DMD: variants seen among roughly 807,000 people sequenced by gnomAD.
DMD encodes the protein dystrophin.
Under a neutral mutation model 330.1 loss-of-function variants are expected in DMD, and 63 were observed. The observed-to-expected ratio is 0.19, with a 90% CI of 0.16 to 0.24. DMD has a LOEUF of 0.24. Among genes scored for constraint, DMD ranks in the 10% least tolerant of loss-of-function variants. The pLI is 1.00. For missense variants in DMD, 3,344 were observed against 2,684.1 expected (o/e 1.25, Z -5.43); for synonymous variants, 1,223 against 959.8 (o/e 1.27, Z -5.07).
intron 76 of DMD, among the ~76,000 whole-genome samples, chrX:31,142,932 ACCTAATATGACTTGTCTCATG>A (rs750526668): frequency 1.8e-5 from 2 of 111,933 alleles, no homozygotes; most frequent in South Asian, 7.5e-4. Context: ...TAGACACATC[ACCTAATATGACTTGTCTCATG>A]TTTCACTTAA....
chrX:31,178,884 A>G, intron 69 of DMD, 79 bp from the exon 70 acceptor site: 1 of 1,097,135 alleles, frequency 9.1e-7, no homozygotes, highest in Non-Finnish European at 1.2e-6. Flanking sequence ...CTTCTGCCCC[A>G]TGACACTTGT....
intron 25 of DMD, among the ~76,000 whole-genome samples, chrX:32,457,640 C>CAG (rs1387519362): frequency 9.1e-6 from 1 of 109,501 alleles, no homozygotes; most frequent in African/African-American, 3.3e-5. Context: ...AGCTTATATG[C>CAG]AGGTCAGTGG....
rs2049320152 is a variant in DMD at position 31,120,026 on chromosome X, T to TA, written c.*1892dup. 9.1e-6 allele frequency: 1 copy of TA among 110,485 alleles called. No individual in the cohort carries two copies. Among genetic ancestry groups the TA allele is most frequent in the African/African-American group, 3.3e-5 (1 of 30,521 alleles). The allele number at this position is 110,485 out of a possible 1,213,427, so 9.1% of individuals were successfully genotyped here. ...CCGTGTTTGATGTTAATTAATTAAT[T>TA]ATTAATAATGGACAAAACCCACTCT... On this transcript the variant is annotated 3_prime_UTR_variant, in exon 79 of 79. Coordinates refer to ENST00000357033, the MANE Select transcript of DMD (RefSeq NM_004006.3).
chrX:31,920,535 A>G (rs2094676256), intron 47 of DMD, among the ~76,000 whole-genome samples: 1 of 112,445 alleles, frequency 8.9e-6, no homozygotes, highest in Non-Finnish European at 1.9e-5. Context: ...AAAGGAAAGA[A>G]AAAACATTTT....
chrX:32,755,353 TAAAG>T (rs2071372017), intron 7 of DMD, among the ~76,000 whole-genome samples: 1 of 111,226 alleles, frequency 9.0e-6, no homozygotes, highest in Admixed American at 9.6e-5. Flanking sequence ...ACTAAAATCT[TAAAG>T]GAAGATACGG....
intron 37 of DMD, among the ~76,000 whole-genome samples, chrX:32,356,379 T>TTA (rs1491329591): frequency 1.9e-5 from 1 of 52,740 alleles, no homozygotes; most frequent in African/African-American, 6.5e-5. Flanking sequence ...TGAATGGAAG[T>TTA]AAAAAAAAAA....
chrX:32,339,973 T>G (rs1415864438), intron 41 of DMD, among the ~76,000 whole-genome samples: 1 of 112,240 alleles, frequency 8.9e-6, no homozygotes, highest in Non-Finnish European at 1.9e-5. Flanking sequence ...TTCATTAAGC[T>G]GTTACTGTGA....
chrX:31,801,965 A>G (rs1296506373), intron 50 of DMD, among the ~76,000 whole-genome samples: 1 of 111,457 alleles, frequency 9.0e-6, no homozygotes, highest in East Asian at 2.8e-4. Context: ...TATGAGGTCA[A>G]AAATTCAAAA....
intron 7 of DMD, among the ~76,000 whole-genome samples, chrX:32,751,761 T>C (rs2148291654): frequency 9.0e-6 from 1 of 110,913 alleles, no homozygotes; most frequent in Non-Finnish European, 1.9e-5. Flanking sequence ...GAGGAAAAAA[T>C]GGTTTTGTGG....
intron 44 of DMD, among the ~76,000 whole-genome samples, chrX:32,109,660 A>G (rs1040726959): frequency 9.0e-6 from 1 of 110,767 alleles, no homozygotes; most frequent in Non-Finnish European, 1.9e-5. Flanking sequence ...GTCCTCACAG[A>G]AATGCCTGCT....
intron 7 of DMD, among the ~76,000 whole-genome samples, chrX:32,769,627 T>C (rs1167353038): frequency 8.9e-6 from 1 of 111,982 alleles, no homozygotes; most frequent in African/African-American, 3.2e-5. Flanking sequence ...TTTCTGATGA[T>C]TTAAATAAGA....
intron 62 of DMD, among the ~76,000 whole-genome samples, chrX:31,306,394 G>A (rs1221934236): frequency 9.0e-6 from 1 of 111,207 alleles, no homozygotes; most frequent in Non-Finnish European, 1.9e-5. Context: ...AACATCTATA[G>A]AATTTACATC....
At chrX:31,740,588 T>G (rs2087251978) in intron 51 of DMD, among the ~76,000 whole-genome samples, 1 of 112,447 alleles carries the variant, frequency 8.9e-6, no homozygotes, top group African/African-American at 3.2e-5. Context: ...TACTATCATC[T>G]GTCAAGTGTG....
At chrX:32,748,042 T>C (rs990342024) in intron 7 of DMD, among the ~76,000 whole-genome samples, 1 of 111,215 alleles carries the variant, frequency 9.0e-6, no homozygotes, top group South Asian at 3.8e-4. Flanking sequence ...TTCCCTTTTA[T>C]CCTTAAAGAA....
intron 74 of DMD, among the ~76,000 whole-genome samples, chrX:31,156,892 A>G (rs1371843143): frequency 1.8e-5 from 2 of 111,659 alleles, no homozygotes; most frequent in African/African-American, 6.5e-5. Context: ...TGTCCTGTAG[A>G]TACCTGAGTT....
At chrX:33,210,002 T>G (rs1191508685) in intron 1 of DMD, among the ~76,000 whole-genome samples, 1 of 110,471 alleles carries the variant, frequency 9.1e-6, no homozygotes, top group East Asian at 2.8e-4. Flanking sequence ...AAAATGTGTG[T>G]GTATATTGCA....
intron 12 of DMD, among the ~76,000 whole-genome samples, chrX:32,604,159 G>A (rs192617376): frequency 9.1e-6 from 1 of 110,295 alleles, no homozygotes; most frequent in East Asian, 2.9e-4. Context: ...ACAATAACGT[G>A]AGCTTTATGC....
chrX:33,222,862 T>A (rs1467884455), intron 1 of DMD, among the ~76,000 whole-genome samples: 1 of 112,017 alleles, frequency 8.9e-6, no homozygotes, highest in African/African-American at 3.2e-5. Flanking sequence ...TATTCATGGA[T>A]GGGAAGGCTC....
chrX:32,622,770 C>A (rs1040302541), intron 11 of DMD, among the ~76,000 whole-genome samples: 1 of 111,321 alleles, frequency 9.0e-6, no homozygotes, highest in African/African-American at 3.3e-5. Context: ...TGGTGCCCCC[C>A]GGGGTCTTGA....
Sources: gnomAD v4.1 joint callset for allele counts (sites outside exome capture counted in the v4.1 genomes callset) on GRCh38, gnomAD v4.1.1 for gene constraint, MANE v1.5 for transcripts, NCBI Gene and HGNC (gene_info 2026-07-23, HGNC 2026-07-21) for gene names.